ZNF121: variants seen among roughly 807,000 people sequenced by gnomAD.
The protein encoded by ZNF121 is zinc finger protein 121 (clone ZHC32).
A neutral mutation model predicts 2.4 loss-of-function variants in ZNF121; 1 was observed. The ratio of observed to expected loss-of-function variants is 0.41; its 90% CI spans 0.15 to 1.94. ZNF121 has a LOEUF of 1.94. Among genes scored for constraint, ZNF121 ranks in the 30% most tolerant of loss-of-function variants. ZNF121 has a pLI of 0.30. For missense variants in ZNF121, 369 were observed against 466.3 expected (o/e 0.79, Z 1.92); for synonymous variants, 173 against 158.6 (o/e 1.09, Z -0.68).
At position 9,562,448 on chromosome 19, in the gene ZNF121, G is replaced by A. The variant is rs1568495991; in HGVS notation, c.*3492C>T. On this transcript the variant is annotated 3_prime_UTR_variant, in exon 4 of 4. Coordinates refer to ENST00000320451, the MANE Select transcript of ZNF121 (RefSeq NM_001008727.5). ...CAAGGTGCTGGGATTACAGGTGTGA[G>A]CCACCGTGCCCGGCTGCTCTGTGAT... The A allele has an allele frequency of 7.0e-6, 2 of 287,216 alleles. No individual in the cohort carries two copies. The highest frequency in any genetic ancestry group is 1.6e-5 in the Non-Finnish European group (2 of 127,982). The allele number at this position is 287,216 out of a possible 1,614,324, so 17.8% of individuals were successfully genotyped here.
chr19:9,564,168 G>A lies in ZNF121; in HGVS notation c.*1772C>T, dbSNP rs2144801540. 6.6e-6 allele frequency: 1 copy of A among 152,260 alleles called. No homozygotes were observed. The highest frequency in any genetic ancestry group is 1.5e-5 in the Non-Finnish European group (1 of 68,024). 9.4% of individuals were successfully genotyped at this position (152,260 alleles called of 1,614,324 possible). A position where few individuals can be genotyped will look rare whatever the true frequency, so the allele number is the denominator to read the frequency against. ...GCAGAAAGGATTCTCCATTCTAGAT[G>A]CCATTAACAACATTTATGATTCATG... On this transcript the variant is annotated 3_prime_UTR_variant, in exon 4 of 4. Transcript: ENST00000320451.
In ZNF121 at chr19:9,566,039, A is replaced by G. The variant is rs2074129401; in HGVS notation, c.1074T>C (p.His358=). The G allele has an allele frequency of 1.2e-6, 2 of 1,613,700 alleles. No individual in the cohort carries two copies. Among genetic ancestry groups the G allele is most frequent in the South Asian group, 1.1e-5 (1 of 91,054 alleles). The change falls in exon 4 of 4, where the codon CAT becomes CAC. Residue 358 remains histidine, a synonymous_variant. Transcript: ENST00000320451. ...TFRASSHLQK[H]VRIHTGEKPY... is the part of the protein sequence containing the mutation. ...GTTTCTCTCCAGTGTGAATTCTAAC[A>G]TGTTTCTGTAGATGTGAAGAAGCAC... is the stretch of plus-strand genomic sequence containing the variant.
Position 9,563,175 on chromosome 19 carries a change from A to G in ZNF121, c.*2765T>C, listed in dbSNP as rs1043509079. The G allele has an allele frequency of 1.3e-5, 2 of 152,174 alleles. No individual in the cohort carries two copies. Among genetic ancestry groups the G allele is most frequent in the African/African-American group, 4.8e-5 (2 of 41,448 alleles). The allele number at this position is 152,174 out of a possible 1,614,324, so 9.4% of individuals were successfully genotyped here. On this transcript the variant is annotated 3_prime_UTR_variant, in exon 4 of 4. Transcript: ENST00000320451. The stretch of plus-strand genomic sequence containing the variant: ...AAGTGCTACTCCAGTGAACACACAC[A>G]TAATAAGAAAGGAAAACAGCCTCAC...
chr19:9,582,135 G>C (rs546449178), intron 1 of ZNF121, among the ~76,000 whole-genome samples: 1 of 152,240 alleles, frequency 6.6e-6, no homozygotes, highest in East Asian at 1.9e-4. Context: ...GTGAAACCTT[G>C]TCTCTACTAA....
chr19:9,582,567 C>T (rs1213234069), intron 1 of ZNF121, among the ~76,000 whole-genome samples: 3 of 152,104 alleles, frequency 2.0e-5, no homozygotes, highest in Non-Finnish European at 4.4e-5. Flanking sequence ...ACTCAGTCTG[C>T]CTGCACCCAG....
At chr19:9,575,462 A>AGCTGGGAG (rs1274375735) in intron 1 of ZNF121, among the ~76,000 whole-genome samples, 3 of 151,394 alleles carry the variant, frequency 2.0e-5, no homozygotes, top group African/African-American at 7.3e-5. Context: ...AGGTCTCTAT[A>AGCTGGGAG]GCTGGGAGTA....
intron 1 of ZNF121, among the ~76,000 whole-genome samples, chr19:9,576,668 A>G (rs2074212168): frequency 6.6e-6 from 1 of 152,172 alleles, no homozygotes; most frequent in African/African-American, 2.4e-5. Context: ...AATACAGAAT[A>G]TTAATAAAAC....
At chr19:9,571,370 G>A (rs2074173006) in intron 1 of ZNF121, among the ~76,000 whole-genome samples, 1 of 152,144 alleles carries the variant, frequency 6.6e-6, no homozygotes, top group African/African-American at 2.4e-5. Flanking sequence ...TCCCAGTGGA[G>A]AATCATAACC....
At chr19:9,576,579 G>A (rs1220874250) in intron 1 of ZNF121, among the ~76,000 whole-genome samples, 1 of 151,834 alleles carries the variant, frequency 6.6e-6, no homozygotes, top group Non-Finnish European at 1.5e-5. Flanking sequence ...TACTAGAAAA[G>A]CAAAAACAAA....
In ZNF121 at chr19:9,583,740, G is replaced by A. The variant is rs540075896; in HGVS notation, c.-160+721C>T. On this transcript the variant is annotated intron_variant, in intron 1 of 3. Coordinates refer to ENST00000320451, the MANE Select transcript of ZNF121 (RefSeq NM_001008727.5). ...GGCTGGTCTCGAACTCCTGACCTCA[G>A]GTGATCTGCCCGCCTCGACCTCCCA... Among the ~76,000 whole-genome samples, 20 of 152,108 alleles carry A rather than the reference G, an allele frequency of 1.3e-4. No homozygotes were observed. In the South Asian group the frequency reaches 3.9e-3, roughly 30 times the overall value.
At chr19:9,567,150 G>C in intron 3 of ZNF121, 41 bp from the exon 4 acceptor site, 1 of 1,526,184 alleles carries the variant, frequency 6.6e-7, no homozygotes, top group African/African-American at 1.4e-5. Flanking sequence ...GGATTTTTCA[G>C]ATTTATCAAC....
Position 9,569,944 on chromosome 19 carries a change from T to C in ZNF121, c.-159-862A>G, listed in dbSNP as rs534734200. Reference sequence around the variant, plus strand: ...GTATTACATCTCTCTCTCTCTCTCTTTTTTTTCTTTTTGAGAGATTTTTGC... The same window carrying C: ...GTATTACATCTCTCTCTCTCTCTCTCTTTTTTCTTTTTGAGAGATTTTTGC... On this transcript the variant is annotated intron_variant, in intron 1 of 3. Transcript: ENST00000320451. Among the ~76,000 whole-genome samples the C allele has an allele frequency of 1.1e-4, 16 of 149,608 alleles. No individual in the cohort carries two copies. In the East Asian group the frequency reaches 2.3e-3, roughly 22 times the overall value.
intron 1 of ZNF121, among the ~76,000 whole-genome samples, chr19:9,583,488 G>GC: frequency 9.1e-6 from 1 of 109,824 alleles, no homozygotes; most frequent in African/African-American, 4.6e-5. Context: ...ACCAAGCCTG[G>GC]CTTTTTTTTT....
Position 9,563,310 on chromosome 19 carries a change from A to G in ZNF121, c.*2630T>C, listed in dbSNP as rs1255683561. The G allele has an allele frequency of 1.3e-5, 2 of 152,242 alleles. No individual in the cohort carries two copies. Among genetic ancestry groups the G allele is most frequent in the African/African-American group, 4.8e-5 (2 of 41,458 alleles). 9.4% of individuals were successfully genotyped at this position (152,242 alleles called of 1,614,324 possible). On this transcript the variant is annotated 3_prime_UTR_variant, in exon 4 of 4. Coordinates refer to ENST00000320451, the MANE Select transcript of ZNF121 (RefSeq NM_001008727.5). ...CAAGGCCCTAACTCTAATTCTATGA[A>G]GGCTGAGAGGTGAGTTAGCTGCAGA... is the stretch of plus-strand genomic sequence containing the variant.
rs908182869 is a variant in ZNF121, at chr19:9,575,748, TA to T, written c.-159-6667del. Among the ~76,000 whole-genome samples, 82 of 143,468 alleles carry T rather than the reference TA, an allele frequency of 5.7e-4. 1 individual carries two copies. Among genetic ancestry groups the T allele is most frequent in the Middle Eastern group, 3.5e-3 (1 of 282 alleles). 94.1% of individuals were successfully genotyped at this position (143,468 alleles called of 152,430 possible). ...ACAGAGCAAGACTCTGTCTCAAAAA[TA>T]AAAAAAAAAGAAGGTCACTATATAA... On this transcript the variant is annotated intron_variant, in intron 1 of 3. Transcript: ENST00000320451.
At chr19:9,583,702 A>G (rs957134329) in intron 1 of ZNF121, among the ~76,000 whole-genome samples, 2 of 151,788 alleles carry the variant, frequency 1.3e-5, no homozygotes, top group Non-Finnish European at 2.9e-5. Flanking sequence ...ACAGGGTTTC[A>G]CCATGTTGGC....
chr19:9,562,883 C>A lies in ZNF121; in HGVS notation c.*3057G>T. The A allele has an allele frequency of 1.1e-5, 1 of 89,244 alleles. No homozygotes were observed. Among genetic ancestry groups the A allele is most frequent in the African/African-American group, 4.8e-5 (1 of 20,978 alleles). The allele number at this position is 89,244 out of a possible 1,614,324, so 5.5% of individuals were successfully genotyped here. On this transcript the variant is annotated 3_prime_UTR_variant, in exon 4 of 4. Transcript: ENST00000320451. ...CCGGGTAAACAGTAAAGTCCTGCCT[C>A]TTTAAAAAAAAAAAAAAAAAAAAAA... is the stretch of plus-strand genomic sequence containing the variant.
In ZNF121 at chr19:9,564,048, A is replaced by G. The variant is rs2074115355; in HGVS notation, c.*1892T>C. The G allele has an allele frequency of 6.6e-6, 1 of 152,186 alleles. No individual in the cohort carries two copies. The highest frequency in any genetic ancestry group is 2.4e-5 in the African/African-American group (1 of 41,442). The allele number at this position is 152,186 out of a possible 1,614,324, so 9.4% of individuals were successfully genotyped here. On this transcript the variant is annotated 3_prime_UTR_variant, in exon 4 of 4. Coordinates refer to ENST00000320451, the MANE Select transcript of ZNF121 (RefSeq NM_001008727.5). Reference sequence around the variant, plus strand: ...GGATTCTGGAATAATTCTGACTTTCAAGTCTTATTATTTAAGAAATACATT... The same window carrying G: ...GGATTCTGGAATAATTCTGACTTTCGAGTCTTATTATTTAAGAAATACATT...
At position 9,561,749 on chromosome 19, in the gene ZNF121, T is replaced by TA. The variant is rs2074101945; in HGVS notation, c.*4190dup. 1 of 151,992 alleles carries TA rather than the reference T, an allele frequency of 6.6e-6. No homozygotes were observed. The highest frequency in any genetic ancestry group is 2.4e-5 in the African/African-American group (1 of 41,358). The allele number at this position is 151,992 out of a possible 1,614,324, so 9.4% of individuals were successfully genotyped here. On this transcript the variant is annotated 3_prime_UTR_variant, in exon 4 of 4. Transcript: ENST00000320451. ...GAATAAAAAAATTAAGTGGGTGCGT[T>TA]AGCATGTGCCTGTGGTCCCAGGTAC... is the stretch of plus-strand genomic sequence containing the variant.
Sources: allele counts gnomAD v4.1 joint callset (sites outside exome capture counted in the v4.1 genomes callset), GRCh38; gene constraint gnomAD v4.1.1; transcripts MANE v1.5; gene names NCBI Gene and HGNC (gene_info 2026-07-23, HGNC 2026-07-21).